Variants in TJP1 observed in about 807,000 individuals in gnomAD.
TJP1 encodes the protein tight junction protein 1.
Under a neutral mutation model 194.2 loss-of-function variants are expected in TJP1, and 43 were observed. The observed-to-expected ratio is 0.22, with a 90% CI of 0.17 to 0.29. The LOEUF (loss-of-function observed/expected upper bound fraction) is 0.29. TJP1 is among the 10% of genes least tolerant of loss of function. TJP1 has a pLI of 1.00. For missense variants in TJP1, 1,971 were observed against 2,185.7 expected (o/e 0.90, Z 1.96); for synonymous variants, 801 against 779.0 (o/e 1.03, Z -0.47).
At chr15:29,889,582 A>G (rs2053236574) in intron 2 of TJP1, among the ~76,000 whole-genome samples, 1 of 152,254 alleles carries the variant, frequency 6.6e-6, no homozygotes, top group Non-Finnish European at 1.5e-5. Context: ...TAACTACAAC[A>G]GTTCTTTTGG....
At chr15:29,808,673 T>C (rs2049278243) in intron 1 of TJP1, among the ~76,000 whole-genome samples, 1 of 152,216 alleles carries the variant, frequency 6.6e-6, no homozygotes, top group Non-Finnish European at 1.5e-5. Context: ...AGATATTTAC[T>C]CTGTCTTTCC....
chr15:29,890,359 C>G (rs2053262926), intron 2 of TJP1, among the ~76,000 whole-genome samples: 2 of 152,220 alleles, frequency 1.3e-5, no homozygotes, highest in African/African-American at 4.8e-5. Flanking sequence ...ACTCTTCATG[C>G]CACCAGTAAG....
intron 23 of TJP1, among the ~76,000 whole-genome samples, chr15:29,712,622 T>A (rs184517434): frequency 6.6e-6 from 1 of 152,270 alleles, no homozygotes; most frequent in African/African-American, 2.4e-5. Flanking sequence ...CTTAGTTATG[T>A]CCCGTCTGCT....
At chr15:29,801,960 C>T (rs1041116779) in intron 1 of TJP1, among the ~76,000 whole-genome samples, 12 of 151,790 alleles carry the variant, frequency 7.9e-5, no homozygotes, top group East Asian at 5.8e-4. Context: ...GGGCCGCATG[C>T]GACCTGTGAA....
intron 2 of TJP1, among the ~76,000 whole-genome samples, chr15:29,920,305 TTTTA>T (rs2054315846): frequency 6.6e-6 from 1 of 152,204 alleles, no homozygotes; most frequent in African/African-American, 2.4e-5. Flanking sequence ...CAGAAGATCT[TTTTA>T]TTTAGCATTT....
chr15:29,809,269 T>C (rs1277456866), intron 1 of TJP1, among the ~76,000 whole-genome samples: 6 of 152,236 alleles, frequency 3.9e-5, no homozygotes, highest in African/African-American at 1.2e-4. Context: ...CTTAAAGTTT[T>C]GGTGTGGCTA....
chr15:29,767,239 T>C (rs1351968396), intron 4 of TJP1, among the ~76,000 whole-genome samples: 2 of 152,158 alleles, frequency 1.3e-5, no homozygotes, highest in Non-Finnish European at 2.9e-5. Flanking sequence ...ACGATCTACA[T>C]GTATTACACC....
intron 2 of TJP1, among the ~76,000 whole-genome samples, chr15:29,896,241 G>A (rs758075697): frequency 3.3e-5 from 5 of 152,142 alleles, no homozygotes; most frequent in Admixed American, 6.6e-5. Flanking sequence ...TGATGGGGGC[G>A]GATCTTTCCT....
intron 1 of TJP1, among the ~76,000 whole-genome samples, chr15:29,816,393 T>C (rs2151976016): frequency 6.6e-6 from 1 of 152,268 alleles, no homozygotes; most frequent in Middle Eastern, 3.4e-3. Flanking sequence ...ACACCACAAT[T>C]TGAAACATAA....
chr15:29,733,724 G>T (rs2043824985), intron 12 of TJP1, among the ~76,000 whole-genome samples: 2 of 152,178 alleles, frequency 1.3e-5, no homozygotes, highest in African/African-American at 2.4e-5. Context: ...AGGGTAAGGG[G>T]TGTGTGCTAG....
In TJP1 at chr15:29,710,983, G is replaced by A. The variant is rs575713239; in HGVS notation, c.4220C>T (p.Ala1407Val). ...GCCAAATGATCTATCCACACCATCA[G>A]CTTCAGGAGGCTTTCCCCTGTTAAC... Reference protein sequence around the residue: ...SYSSKGKPPEADGVDRSFGEK... With the variant: ...SYSSKGKPPEVDGVDRSFGEK... Residue 1407 changes from alanine to valine, a missense_variant, in exon 24 of 28, where the codon GCT (alanine) becomes GTT (valine). Ala to Val is a moderately conservative substitution (Grantham distance 64). Transcript: ENST00000614355. The A allele has an allele frequency of 1.5e-5, 24 of 1,600,456 alleles. No individual in the cohort carries two copies. The highest frequency in any genetic ancestry group is 1.4e-4 in the Admixed American group (8 of 58,402).
At chr15:29,724,383 C>T (rs747356375) in intron 18 of TJP1, among the ~76,000 whole-genome samples, 11 of 152,212 alleles carry the variant, frequency 7.2e-5, no homozygotes, top group Non-Finnish European at 1.0e-4. Context: ...TTGCTATCTA[C>T]TCTAATCTTT....
intron 2 of TJP1, chr15:29,800,427 G>C: frequency 3.7e-6 from 2 of 534,334 alleles, no homozygotes; most frequent in Non-Finnish European, 6.5e-6. Context: ...TTTTAAGTCA[G>C]GAATAAAAAC....
chr15:29,800,399 T>C (rs564398117), intron 2 of TJP1: 1 of 505,574 alleles, frequency 2.0e-6, no homozygotes, highest in Non-Finnish European at 3.4e-6. Context: ...TCACTCAAAA[T>C]TTTAAAAGCA....
chr15:29,773,118 C>A, intron 3 of TJP1, 115 bp downstream of exon 3: 4 of 1,238,908 alleles, frequency 3.2e-6, no homozygotes, highest in Non-Finnish European at 4.4e-6. Context: ...TGAAGCATGG[C>A]ACAGGTGGAG....
At chr15:29,929,060 G>C (rs2152267162) in intron 2 of TJP1, among the ~76,000 whole-genome samples, 1 of 152,026 alleles carries the variant, frequency 6.6e-6, no homozygotes, top group Middle Eastern at 3.4e-3. Flanking sequence ...GATCCAACTA[G>C]AGAACCCATT....
At chr15:29,848,730 G>A (rs2051517017) in intron 2 of TJP1, among the ~76,000 whole-genome samples, 1 of 152,096 alleles carries the variant, frequency 6.6e-6, no homozygotes, top group African/African-American at 2.4e-5. Context: ...ATGGTGGCAT[G>A]TGCCTGTAGT....
At chr15:29,748,050 AT>A (rs2044929368) in intron 8 of TJP1, among the ~76,000 whole-genome samples, 1 of 152,204 alleles carries the variant, frequency 6.6e-6, no homozygotes, top group South Asian at 2.1e-4. Context: ...AGATGGAGGC[AT>A]TTTTCAATAA....
chr15:29,782,502 T>C (rs1031926521), intron 2 of TJP1, among the ~76,000 whole-genome samples: 1 of 152,146 alleles, frequency 6.6e-6, no homozygotes, highest in Non-Finnish European at 1.5e-5. Context: ...ATGCAGAAGA[T>C]TGAAACTGGA....
Sources: allele counts gnomAD v4.1 joint callset (sites outside exome capture counted in the v4.1 genomes callset), GRCh38; gene constraint gnomAD v4.1.1; transcripts MANE v1.5; gene names NCBI Gene and HGNC (gene_info 2026-07-23, HGNC 2026-07-21).